The following TDRD1 variants were observed in gnomAD, a reference collection of about 807,000 sequenced individuals.
TDRD1 encodes tudor domain-containing protein 1.
TDRD1 carries 37 observed loss-of-function variants against 140.6 expected under a neutral mutation model. The ratio of observed to expected loss-of-function variants is 0.26; its 90% CI spans 0.20 to 0.35. TDRD1 has a LOEUF of 0.35. Among genes scored for constraint, TDRD1 ranks in the 10% least tolerant of loss-of-function variants. The pLI is 1.00. For missense variants in TDRD1, 1,243 were observed against 1,393.0 expected, an observed-to-expected ratio of 0.89 and a Z score of 1.71; for synonymous variants, 506 against 475.7, an observed-to-expected ratio of 1.06 and a Z score of -0.83.
chr10:114,219,543 T>G (rs541931865), intron 18 of TDRD1, among the ~76,000 whole-genome samples: 39 of 152,208 alleles, frequency 2.6e-4, no homozygotes, highest in African/African-American at 8.4e-4. Flanking sequence ...CTAATCTGTT[T>G]CTGTTTATTT....
At chr10:114,223,433 C>T (rs1467307776) in intron 21 of TDRD1, among the ~76,000 whole-genome samples, 1 of 152,218 alleles carries the variant, frequency 6.6e-6, no homozygotes, top group African/African-American at 2.4e-5. Context: ...ATCTTGGGCT[C>T]CAGTGGCGTT....
intron 25 of TDRD1, among the ~76,000 whole-genome samples, chr10:114,231,200 C>T (rs547679676): frequency 6.6e-6 from 1 of 152,300 alleles, no homozygotes; most frequent in South Asian, 2.1e-4. Flanking sequence ...TAATCTGTTG[C>T]TCAGGTGATG....
chr10:114,175,621 T>A (rs2119821145), upstream of TDRD1, among the ~76,000 whole-genome samples: 1 of 152,288 alleles, frequency 6.6e-6, no homozygotes, highest in East Asian at 1.9e-4. Context: ...TAAGTGCTGA[T>A]TCCCAGTAGG....
exon 9 of TDRD1, chr10:114,204,194 A>G (rs752121505): frequency 2.5e-6 from 4 of 1,593,012 alleles, no homozygotes. Flanking sequence ...CTCAACAGGA[A>G]CATTGACTTG....
Position 114,192,390 on chromosome 10 carries a change from G to A in TDRD1, c.384+1371G>A, listed in dbSNP as rs1384232343. On this transcript the variant is annotated intron_variant, in intron 3 of 25. Transcript: ENST00000251864. ...GCGATCTCGGCTCACTGCAACCTCC[G>A]CCTCCTGGGTTTACGCCATTTCTCC... is the stretch of plus-strand genomic sequence containing the variant. Among the ~76,000 whole-genome samples, 5 of 127,174 alleles carry A rather than the reference G, an allele frequency of 3.9e-5. No individual in the cohort carries two copies. In the Admixed American group the frequency reaches 4.0e-4, roughly 10 times the overall value. The allele number at this position is 127,174 out of a possible 152,430, so 83.4% of individuals were successfully genotyped here. A position where few individuals can be genotyped will look rare whatever the true frequency, so the allele number is the denominator to read the frequency against.
chr10:114,180,442 G>A (rs1589647231), intron 1 of TDRD1, among the ~76,000 whole-genome samples: 1 of 152,156 alleles, frequency 6.6e-6, no homozygotes, highest in African/African-American at 2.4e-5. Context: ...GAAGCGTTGC[G>A]TTTTGTCTGT....
chr10:114,186,075 TCTTA>T (rs1376909909), intron 1 of TDRD1, among the ~76,000 whole-genome samples: 3 of 152,224 alleles, frequency 2.0e-5, no homozygotes, highest in Admixed American at 6.5e-5. Context: ...GATTCTGTGA[TCTTA>T]CTTGATGTTT....
intron 3 of TDRD1, among the ~76,000 whole-genome samples, chr10:114,192,292 C>CTTTTTTTTTTTTTTTTTTTTTTTT: frequency 1.3e-5 from 1 of 75,116 alleles, no homozygotes; most frequent in African/African-American, 5.9e-5. Flanking sequence ...GATAGTTTTC[C>CTTTTTTTTTTTTTTTTTTTTTTTT]TTTTTTTTTT....
At chr10:114,202,685 C>T (rs150009676) in intron 6 of TDRD1, among the ~76,000 whole-genome samples, 41 of 152,240 alleles carry the variant, frequency 2.7e-4, no homozygotes, top group African/African-American at 8.9e-4. Context: ...GTGTCCAACT[C>T]GTATTTATGA....
intron 2 of TDRD1, 56 bp downstream of exon 2, chr10:114,188,212 C>A: frequency 6.8e-7 from 1 of 1,471,792 alleles, no homozygotes; most frequent in Non-Finnish European, 9.2e-7. Context: ...CTGTGACTTA[C>A]CAGAAGTATA....
intron 2 of TDRD1, 53 bp from the exon 3 acceptor site, chr10:114,190,908 G>A (rs2033913889): frequency 2.6e-6 from 4 of 1,530,912 alleles, no homozygotes; most frequent in Non-Finnish European, 3.6e-6. Flanking sequence ...TTCATTATTA[G>A]CAATAAAAAG....
intron 11 of TDRD1, among the ~76,000 whole-genome samples, chr10:114,209,541 T>A: frequency 6.6e-6 from 1 of 152,266 alleles, no homozygotes; most frequent in South Asian, 2.1e-4. Context: ...GGTTTTTAAT[T>A]TGAGCCTATC....
At chr10:114,222,143 G>A (rs1314943403) in intron 20 of TDRD1, among the ~76,000 whole-genome samples, 1 of 152,086 alleles carries the variant, frequency 6.6e-6, no homozygotes, top group African/African-American at 2.4e-5. Flanking sequence ...TACTACAAAA[G>A]GATCTTTATT....
intron 18 of TDRD1, among the ~76,000 whole-genome samples, 166 bp from the exon 19 acceptor site, chr10:114,220,400 TTA>T (rs1381724097): frequency 1.3e-5 from 2 of 152,200 alleles, no homozygotes; most frequent in Non-Finnish European, 2.9e-5. Flanking sequence ...AGCAAGTGCA[TTA>T]TCTCTTAAGT....
upstream of TDRD1, among the ~76,000 whole-genome samples, chr10:114,175,216 C>A (rs190533789): frequency 6.6e-6 from 1 of 152,132 alleles, no homozygotes; most frequent in East Asian, 1.9e-4. Flanking sequence ...ACCAAGCCTT[C>A]CTAGGGAGAC....
chr10:114,214,737 CT>C lies in TDRD1; in HGVS notation c.2212+637del, dbSNP rs771454910. Among the ~76,000 whole-genome samples, 835 of 143,330 alleles carry C rather than the reference CT, an allele frequency of 5.8e-3. 5 individuals carry two copies. The highest frequency in any genetic ancestry group is 0.011 in the Middle Eastern group (3 of 272). The allele number at this position is 143,330 out of a possible 152,430, so 94.0% of individuals were successfully genotyped here. A position where few individuals can be genotyped will look rare whatever the true frequency, so the allele number is the denominator to read the frequency against. ...TCCCATCATTACCTCTTCTTTCTTT[CT>C]TTTTTTTTTTTTTCATTGAGATGGA... is the stretch of plus-strand genomic sequence containing the variant. On this transcript the variant is annotated intron_variant, in intron 16 of 25. Coordinates refer to ENST00000251864, the Ensembl canonical transcript of TDRD1.
At chr10:114,218,367 C>G (rs748616872) in intron 17 of TDRD1, 47 bp from the exon 18 acceptor site, 2 of 1,302,208 alleles carry the variant, frequency 1.5e-6, no homozygotes, top group Admixed American at 5.2e-5. Flanking sequence ...TTTCAAGTGT[C>G]GATAGAAAGG....
chr10:114,210,909 G>A (rs2035441776), exon 13 of TDRD1: 1 of 1,614,094 alleles, frequency 6.2e-7, no homozygotes, highest in East Asian at 2.2e-5. Context: ...GTGATCAGTT[G>A]CCTCCACGCT....
chr10:114,186,029 A>G (rs2033493344), intron 1 of TDRD1, among the ~76,000 whole-genome samples: 1 of 152,200 alleles, frequency 6.6e-6, no homozygotes, highest in Non-Finnish European at 1.5e-5. Flanking sequence ...TTATCTAACT[A>G]AGACTAACTC....
Sources: gnomAD v4.1 joint callset for allele counts (sites outside exome capture counted in the v4.1 genomes callset) on GRCh38, gnomAD v4.1.1 for gene constraint, MANE v1.5 for transcripts, NCBI Gene and HGNC (gene_info 2026-07-23, HGNC 2026-07-21) for gene names.